The following ATP2B2 variants were observed in gnomAD, a reference collection of about 807,000 sequenced individuals.
ATP2B2 encodes ATPase plasma membrane Ca2+ transporting 2, also known as plasma membrane calcium-transporting ATPase 2.
ATP2B2 carries 15 observed loss-of-function variants against 120.0 expected under a neutral mutation model. That is an observed-to-expected ratio of 0.12 (90% confidence interval 0.08 to 0.19). The LOEUF is 0.19. ATP2B2 is among the 10% of genes least tolerant of loss of function. ATP2B2 has a pLI of 1.00. For synonymous variants in ATP2B2, 694 were observed against 700.3 expected (o/e 0.99, Z 0.14); for missense variants, 1,045 against 1,719.8 (o/e 0.61, Z 6.94).
chr3:10,474,430 C>T (rs1002272395), intron 1 of ATP2B2, among the ~76,000 whole-genome samples: 34 of 152,102 alleles, frequency 2.2e-4, no homozygotes, highest in Non-Finnish European at 4.3e-4. Flanking sequence ...GTATTTAAAG[C>T]CATGGGATGG....
intron 1 of ATP2B2, among the ~76,000 whole-genome samples, chr3:10,696,292 G>C (rs1312235697): frequency 6.6e-6 from 1 of 152,034 alleles, no homozygotes; most frequent in Non-Finnish European, 1.5e-5. Context: ...CATAATTGCA[G>C]TGTTCCTGCA....
At chr3:10,535,216 T>G (rs2067289043) in intron 2 of ATP2B2, among the ~76,000 whole-genome samples, 2 of 152,164 alleles carry the variant, frequency 1.3e-5, no homozygotes, top group African/African-American at 4.8e-5. Flanking sequence ...ATTTGTAACT[T>G]TTTATTTTAA....
At position 10,343,486 on chromosome 3, in the gene ATP2B2, C is replaced by T. The variant is rs2060342775; in HGVS notation, c.2704-521G>A. 2.0e-4 allele frequency among the ~76,000 whole-genome samples: 1 copy of T among 4,960 alleles called. No individual in the cohort carries two copies. Among genetic ancestry groups the T allele is most frequent in the South Asian group, 8.3e-3 (1 of 120 alleles). The allele number at this position is 4,960 out of a possible 152,430, so 3.3% of individuals were successfully genotyped here. ...CTATGACTCAAAAATTAATACATTT[C>T]AAGGTAGGAAATATGGCAAATGAGG... On this transcript the variant is annotated intron_variant, in intron 18 of 22. Transcript: ENST00000360273. The surrounding 1 kb of genome is among the most constrained non-coding windows in gnomAD (Gnocchi z 4.2).
chr3:10,394,387 G>A (rs2061959608), intron 5 of ATP2B2: 1 of 466,990 alleles, frequency 2.1e-6, no homozygotes, highest in Non-Finnish European at 4.4e-6. Flanking sequence ...AGGTTTTGGC[G>A]CAAGTTCAAT....
intron 2 of ATP2B2, among the ~76,000 whole-genome samples, chr3:10,591,152 C>T (rs151306770): frequency 1.1e-3 from 169 of 152,154 alleles, no homozygotes; most frequent in Non-Finnish European, 1.9e-3. Context: ...GAATGGCCCT[C>T]CCCAGTAGAC....
chr3:10,396,420 C>T (rs2062038955), intron 5 of ATP2B2, among the ~76,000 whole-genome samples: 1 of 152,242 alleles, frequency 6.6e-6, no homozygotes, highest in African/African-American at 2.4e-5. Context: ...GTTTCCTGCC[C>T]TCTTCTAAGC....
chr3:10,584,731 C>T (rs1044663487), intron 2 of ATP2B2, among the ~76,000 whole-genome samples: 10 of 152,312 alleles, frequency 6.6e-5, no homozygotes, highest in African/African-American at 2.4e-4. Flanking sequence ...ACTTCCCACT[C>T]CACCACTTCC....
At chr3:10,454,148 C>A (rs2064169600) in intron 1 of ATP2B2, among the ~76,000 whole-genome samples, 1 of 152,166 alleles carries the variant, frequency 6.6e-6, no homozygotes, top group South Asian at 2.1e-4. Context: ...GAACTCTGCC[C>A]TCTACGAGCC....
chr3:10,521,048 T>C (rs1021018999), intron 3 of ATP2B2, among the ~76,000 whole-genome samples: 3 of 152,230 alleles, frequency 2.0e-5, no homozygotes, highest in Non-Finnish European at 4.4e-5. Context: ...GAACAGGGTC[T>C]GCATTTCGTG....
At chr3:10,557,143 T>C (rs924657739) in intron 2 of ATP2B2, among the ~76,000 whole-genome samples, 6 of 152,252 alleles carry the variant, frequency 3.9e-5, no homozygotes, top group Middle Eastern at 3.4e-3. Flanking sequence ...CTCCCAGCCT[T>C]GGTCTCTGCT....
intron 19 of ATP2B2, among the ~76,000 whole-genome samples, chr3:10,341,364 A>G (rs1332737618): frequency 1.3e-5 from 2 of 151,918 alleles, no homozygotes; most frequent in East Asian, 1.9e-4. Flanking sequence ...AGGCTGGAGG[A>G]CAGTGGCGTG....
At chr3:10,519,918 A>G (rs1483826677) in intron 3 of ATP2B2, among the ~76,000 whole-genome samples, 1 of 152,192 alleles carries the variant, frequency 6.6e-6, no homozygotes, top group Non-Finnish European at 1.5e-5. Context: ...GATCGAATGC[A>G]GGGGTTTTTC....
upstream of ATP2B2, among the ~76,000 whole-genome samples, chr3:10,507,534 G>A (rs2066669144): frequency 6.6e-6 from 1 of 152,172 alleles, no homozygotes; most frequent in South Asian, 2.1e-4. Flanking sequence ...ACGGGCAGAG[G>A]CGGAAAGGCC....
chr3:10,388,413 G>T lies in ATP2B2; in HGVS notation c.782-11C>A. On this transcript the variant is annotated splice_polypyrimidine_tract_variant and intron_variant, in intron 5 of 22. Transcript: ENST00000360273. ...CCATCACGTGGGTTCCTGGGAAAGG[G>T]GACAAAAGCCAAGTTACCATTGCAT... 1 of 1,614,122 alleles carries T rather than the reference G, an allele frequency of 6.2e-7. No homozygotes were observed. Among genetic ancestry groups the T allele is most frequent in the Non-Finnish European group, 8.5e-7 (1 of 1,180,018 alleles).
Position 10,338,335 on chromosome 3 carries a change from G to A in ATP2B2, c.3261C>T (p.Ser1087=), listed in dbSNP as rs1302314771. The change falls in exon 22 of 23, where the codon AGC becomes AGT. Residue 1087 remains serine (S), a synonymous_variant. Transcript: ENST00000360273. ...CTGCCTCCTTGAGGAACTTGAGTCT[G>A]CTGGTCGGGATGGTGGCGATGACCT... ...WGQVIATIPT[S]RLKFLKEAGR... is the part of the protein sequence containing the mutation. The A allele has an allele frequency of 1.9e-6, 3 of 1,614,164 alleles. No individual in the cohort carries two copies. The highest frequency in any genetic ancestry group is 2.2e-5 in the South Asian group (2 of 91,086).
intron 9 of ATP2B2, 69 bp downstream of exon 9, chr3:10,379,174 G>C: frequency 6.5e-7 from 1 of 1,534,156 alleles, no homozygotes; most frequent in East Asian, 2.3e-5. Flanking sequence ...TCTGTCTCTG[G>C]TGTGACTGTC....
chr3:10,513,007 C>T (rs1217872608), intron 3 of ATP2B2, among the ~76,000 whole-genome samples: 2 of 152,252 alleles, frequency 1.3e-5, no homozygotes, highest in African/African-American at 4.8e-5. Flanking sequence ...ACCCATTGAG[C>T]ATCTCCTTCC....
In ATP2B2 at chr3:10,345,374, G is replaced by C; in HGVS notation, c.2703+10C>G. 1 of 1,614,076 alleles carries C rather than the reference G, an allele frequency of 6.2e-7. No homozygotes were observed. The highest frequency in any genetic ancestry group is 8.5e-7 in the Non-Finnish European group (1 of 1,179,984). On this transcript the variant is annotated intron_variant, in intron 18 of 22. Coordinates refer to ENST00000360273, the MANE Select transcript of ATP2B2 (RefSeq NM_001001331.4). ...CCCCCAGGCTTTGGTGTGGTCTCCT[G>C]CGGACCCACCTGCGTGATGCAGGCG...
intron 2 of ATP2B2, among the ~76,000 whole-genome samples, chr3:10,541,939 G>A (rs1056618487): frequency 6.6e-6 from 1 of 152,074 alleles, no homozygotes; most frequent in Non-Finnish European, 1.5e-5. Flanking sequence ...ATTGTTTGGT[G>A]TACACATATT....
Sources: gnomAD v4.1 joint callset for allele counts (sites outside exome capture counted in the v4.1 genomes callset) on GRCh38, gnomAD v4.1.1 for gene constraint, Gnocchi (gnomAD v3.1) non-coding constraint, MANE v1.5 for transcripts, NCBI Gene and HGNC (gene_info 2026-07-23, HGNC 2026-07-21) for gene names.